The following VGLL4 variants were observed in gnomAD, a reference collection of about 807,000 sequenced individuals.
VGLL4 encodes transcription cofactor vestigial-like protein 4.
A neutral mutation model predicts 21.0 loss-of-function variants in VGLL4; 7 were observed. The observed-to-expected ratio is 0.33, with a 90% CI of 0.19 to 0.63. VGLL4 has a LOEUF of 0.63. VGLL4 is among the 20% of genes least tolerant of loss of function. The pLI is 0.78. For synonymous variants in VGLL4, 222 were observed against 173.2 expected (o/e 1.28, Z -2.21); for missense variants, 394 against 425.7 (o/e 0.93, Z 0.66).
intron 2 of VGLL4, among the ~76,000 whole-genome samples, chr3:11,672,043 AGCG>A (rs2076225342): frequency 6.6e-6 from 1 of 151,568 alleles, no homozygotes. Flanking sequence ...TCTCCTGCAA[AGCG>A]GAATAATTTT....
intron 1 of VGLL4, chr3:11,604,311 T>C (rs1409791302): frequency 6.0e-6 from 5 of 833,478 alleles, no homozygotes; most frequent in East Asian, 1.5e-4. Context: ...CCCCAAAACA[T>C]AGCGTGACTT....
At chr3:11,582,143 C>G in intron 2 of VGLL4, 1 of 950,588 alleles carries the variant, frequency 1.1e-6, no homozygotes. Context: ...TCACTGCTGT[C>G]CCTTCTAAGC....
intron 1 of VGLL4, among the ~76,000 whole-genome samples, chr3:11,610,059 G>A (rs922644825): frequency 1.3e-5 from 2 of 152,152 alleles, no homozygotes; most frequent in South Asian, 2.1e-4. Flanking sequence ...ACCATAGCTC[G>A]GTCGGCCAAG....
At position 11,568,567 on chromosome 3, in the gene VGLL4, C is replaced by G. The variant is rs749971582; in HGVS notation, c.273-3548G>C. ...AAACAGCGAGAAAAGGCCTGGAGAACTGGCTGGTTAATTTTAGTAAAATTA... is the reference window on the plus strand; with the variant it reads ...AAACAGCGAGAAAAGGCCTGGAGAAGTGGCTGGTTAATTTTAGTAAAATTA... On this transcript the variant is annotated intron_variant, in intron 2 of 4. Transcript: ENST00000430365. This position sits in a 1 kb window ranked among gnomAD's most constrained non-coding sequence, Gnocchi z 5.9. The G allele has an allele frequency of 3.2e-5, 50 of 1,554,254 alleles. No individual in the cohort carries two copies. The highest frequency in any genetic ancestry group is 5.5e-5 in the African/African-American group (4 of 73,222).
At chr3:11,705,544 T>C (rs2076748092) in intron 1 of VGLL4, among the ~76,000 whole-genome samples, 1 of 152,066 alleles carries the variant, frequency 6.6e-6, no homozygotes, top group South Asian at 2.1e-4. Flanking sequence ...GAAAAGACCA[T>C]CTCCTAAGAG....
intron 2 of VGLL4, among the ~76,000 whole-genome samples, chr3:11,699,156 T>G (rs927118463): frequency 6.6e-6 from 1 of 152,186 alleles, no homozygotes; most frequent in African/African-American, 2.4e-5. Flanking sequence ...GAAAGCTGAG[T>G]CAGGCTGAAT....
At chr3:11,715,597 G>A (rs1420763304) in intron 1 of VGLL4, among the ~76,000 whole-genome samples, 1 of 152,126 alleles carries the variant, frequency 6.6e-6, no homozygotes, top group African/African-American at 2.4e-5. Flanking sequence ...GCCTCCCAAA[G>A]TGCTGGGATT....
chr3:11,585,216 A>G (rs1237659501), intron 2 of VGLL4, among the ~76,000 whole-genome samples: 1 of 152,126 alleles, frequency 6.6e-6, no homozygotes, highest in African/African-American at 2.4e-5. Context: ...CGGGCAGATC[A>G]CTTGAGGTCA....
Position 11,568,914 on chromosome 3 carries a change from A to G in VGLL4, c.273-3895T>C. 7.9e-7 allele frequency: 1 copy of G among 1,273,026 alleles called. No homozygotes were observed. The highest frequency in any genetic ancestry group is 1.9e-5 in the South Asian group (1 of 53,326). 78.9% of individuals were successfully genotyped at this position (1,273,026 alleles called of 1,614,324 possible). A position where few individuals can be genotyped will look rare whatever the true frequency, so the allele number is the denominator to read the frequency against. ...CCGCCCCGGGCCTCATCCCCATCCT[A>G]GGCGGGCACTTCCACTGCCAGCTGC... On this transcript the variant is annotated intron_variant, in intron 2 of 4. Transcript: ENST00000430365. This position sits in a 1 kb window ranked among gnomAD's most constrained non-coding sequence, Gnocchi z 5.9.
At chr3:11,609,923 G>A (rs1185350708) in intron 1 of VGLL4, among the ~76,000 whole-genome samples, 1 of 152,210 alleles carries the variant, frequency 6.6e-6, no homozygotes, top group Admixed American at 6.5e-5. Flanking sequence ...TTTTGACAAA[G>A]ATCTCTATGC....
chr3:11,680,512 T>C (rs1380534559), intron 2 of VGLL4, among the ~76,000 whole-genome samples: 3 of 152,142 alleles, frequency 2.0e-5, no homozygotes, highest in South Asian at 2.1e-4. Flanking sequence ...GGGAGACCAG[T>C]AGTGCCAAAA....
intron 1 of VGLL4, chr3:11,604,628 T>C (rs1204769955): frequency 1.5e-5 from 11 of 756,794 alleles, no homozygotes; most frequent in Non-Finnish European, 1.8e-5. Context: ...GATAAGACAC[T>C]TGCATTGCAA....
intron 2 of VGLL4, among the ~76,000 whole-genome samples, chr3:11,659,520 C>G (rs564192292): frequency 6.6e-6 from 1 of 151,544 alleles, no homozygotes; most frequent in African/African-American, 2.4e-5. Context: ...TCAGTAGAGA[C>G]GGGGTTTCTC....
chr3:11,622,834 C>T (rs1046029854), intron 1 of VGLL4, among the ~76,000 whole-genome samples: 5 of 152,164 alleles, frequency 3.3e-5, no homozygotes, highest in African/African-American at 9.7e-5. Flanking sequence ...TCTGTCAAAT[C>T]AGAGAGACAG....
chr3:11,655,316 G>A (rs190825429), intron 2 of VGLL4, among the ~76,000 whole-genome samples: 1 of 152,274 alleles, frequency 6.6e-6, no homozygotes, highest in Non-Finnish European at 1.5e-5. Flanking sequence ...CTGAACTGAG[G>A]AGGGCACCTG....
chr3:11,599,174 A>G (rs13084004), intron 2 of VGLL4, among the ~76,000 whole-genome samples: 2,136 of 152,320 alleles, frequency 0.014, 25 homozygotes, highest in Non-Finnish European at 0.023. Context: ...TAATGTTACT[A>G]AAATAACTAT....
At chr3:11,577,172 G>A (rs1420131270) in intron 2 of VGLL4, among the ~76,000 whole-genome samples, 1 of 152,240 alleles carries the variant, frequency 6.6e-6, no homozygotes, top group Non-Finnish European at 1.5e-5. Flanking sequence ...CGAGTGGTCT[G>A]AGGAGACCTT....
chr3:11,612,974 G>A lies in VGLL4; in HGVS notation c.83-10952C>T, dbSNP rs1243142268. ...TTATGAAAGTAAATTGTTAGCAGAT[G>A]GTATTGGAATCAGGCACTTTGCTGG... On this transcript the variant is annotated intron_variant, in intron 1 of 4. Transcript: ENST00000430365. 2.0e-5 allele frequency among the ~76,000 whole-genome samples: 3 copies of A among 152,178 alleles called. No individual in the cohort carries two copies. In the East Asian group the frequency reaches 5.8e-4, roughly 29 times the overall value.
At chr3:11,716,173 G>A (rs917294027) in intron 1 of VGLL4, among the ~76,000 whole-genome samples, 14 of 151,776 alleles carry the variant, frequency 9.2e-5, no homozygotes, top group Admixed American at 2.6e-4. Context: ...GTGGTGGTGG[G>A]TGCCTGTAAT....
Sources: gnomAD v4.1 joint callset for allele counts (sites outside exome capture counted in the v4.1 genomes callset) on GRCh38, gnomAD v4.1.1 for gene constraint, Gnocchi (gnomAD v3.1) non-coding constraint, MANE v1.5 for transcripts, NCBI Gene and HGNC (gene_info 2026-07-23, HGNC 2026-07-21) for gene names.